Variants in MGMT observed in about 807,000 individuals in gnomAD.
MGMT encodes the protein methylated-DNA--protein-cysteine methyltransferase.
A neutral mutation model predicts 15.9 loss-of-function variants in MGMT; 14 were observed. That is an observed-to-expected ratio of 0.88 (90% CI 0.58 to 1.37). The LOEUF (loss-of-function observed/expected upper bound fraction) is 1.37, where lower values mean the gene tolerates loss of function less well. Ranked by LOEUF, MGMT falls within the 40% of genes most tolerant of loss-of-function variation. MGMT has a pLI of 0.00. For synonymous variants in MGMT, 130 were observed against 118.2 expected (o/e 1.10, Z -0.65); for missense variants, 282 against 268.1 (o/e 1.05, Z -0.36).
At chr10:129,646,485 C>A (rs939675675) in intron 2 of MGMT, among the ~76,000 whole-genome samples, 1 of 151,674 alleles carries the variant, frequency 6.6e-6, no homozygotes, top group Non-Finnish European at 1.5e-5. Flanking sequence ...TCTAAAGTCT[C>A]GACATGATTA....
chr10:129,734,414 T>C (rs1310044680), intron 3 of MGMT, among the ~76,000 whole-genome samples: 1 of 149,994 alleles, frequency 6.7e-6, no homozygotes, highest in African/African-American at 2.4e-5. Context: ...TGATTTTGTA[T>C]CCTGAGACTT....
chr10:129,711,032 C>T (rs1848226911), intron 3 of MGMT, among the ~76,000 whole-genome samples: 1 of 152,054 alleles, frequency 6.6e-6, no homozygotes, highest in Non-Finnish European at 1.5e-5. Flanking sequence ...CCTTGAGTTC[C>T]AGCACATTGA....
rs934893695 is a variant in MGMT, at chr10:129,566,959, C to T, written c.125+30582C>T. 6.6e-6 allele frequency among the ~76,000 whole-genome samples: 1 copy of T among 152,114 alleles called. No individual in the cohort carries two copies. The highest frequency in any genetic ancestry group is 2.4e-5 in the African/African-American group (1 of 41,430). On this transcript the variant is annotated intron_variant, in intron 2 of 4. Coordinates refer to ENST00000651593, the MANE Select transcript of MGMT (RefSeq NM_002412.5). This position sits in a 1 kb window ranked among gnomAD's most constrained non-coding sequence, Gnocchi z 4.1. ...ACCCAGGAGGTGCCATCTCTCTTGG[C>T]GGGTGACACGTAACTGTTACAAATG...
At chr10:129,508,649 G>T (rs1334218776) in intron 1 of MGMT, among the ~76,000 whole-genome samples, 1 of 151,774 alleles carries the variant, frequency 6.6e-6, no homozygotes, top group Admixed American at 6.6e-5. Flanking sequence ...GGGTTCAAGT[G>T]ATTCTCCTGC....
intron 2 of MGMT, among the ~76,000 whole-genome samples, chr10:129,573,816 G>C (rs1402290252): frequency 6.6e-6 from 1 of 152,134 alleles, no homozygotes; most frequent in African/African-American, 2.4e-5. Flanking sequence ...ATATATGAAA[G>C]AGTATAAAAT....
At chr10:129,748,759 A>C (rs1328029469) in intron 3 of MGMT, among the ~76,000 whole-genome samples, 1 of 152,206 alleles carries the variant, frequency 6.6e-6, no homozygotes, top group Non-Finnish European at 1.5e-5. Context: ...CTGCAACTCT[A>C]ATCCATTACC....
At chr10:129,736,754 G>A (rs1210966127) in intron 3 of MGMT, among the ~76,000 whole-genome samples, 3 of 151,696 alleles carry the variant, frequency 2.0e-5, no homozygotes, top group Admixed American at 2.0e-4. Context: ...GGGCAGGCCT[G>A]GTGGTGACAA....
intron 2 of MGMT, among the ~76,000 whole-genome samples, chr10:129,665,146 C>T (rs1169525868): frequency 2.0e-5 from 3 of 151,236 alleles, no homozygotes; most frequent in African/African-American, 7.3e-5. Flanking sequence ...TTCAGTCACC[C>T]ACCCACTCCA....
Position 129,532,475 on chromosome 10 carries a change from C to T in MGMT, c.-12-3766C>T, listed in dbSNP as rs115558752. Among the ~76,000 whole-genome samples, 10 of 152,148 alleles carry T rather than the reference C, an allele frequency of 6.6e-5. No homozygotes were observed. The highest frequency in any genetic ancestry group is 3.3e-4 in the Admixed American group (5 of 15,284). ...AGGACTCCTCTCTCCGGGAGACTGT[C>T]GGGGCTAAGCTGCCTGTGGCCCTCC... On this transcript the variant is annotated intron_variant, in intron 1 of 4. Transcript: ENST00000651593. The surrounding 1 kb of genome is among the most constrained non-coding windows in gnomAD (Gnocchi z 5.3).
Position 129,741,203 on chromosome 10 carries a change from A to G in MGMT, c.275-17999A>G, listed in dbSNP as rs115722805. ...CTGGTCACAGCAGAAATAGTTTTGGACCCAGGTGAGTTGAGTCCACAAAAT... is the reference window on the plus strand; with the variant it reads ...CTGGTCACAGCAGAAATAGTTTTGGGCCCAGGTGAGTTGAGTCCACAAAAT... On this transcript the variant is annotated intron_variant, in intron 3 of 4. Transcript: ENST00000651593. 7.1e-3 allele frequency among the ~76,000 whole-genome samples: 1,087 copies of G among 152,248 alleles called. 18 individuals are homozygous for G. Among genetic ancestry groups the G allele is most frequent in the African/African-American group, 0.025 (1,026 of 41,536 alleles).
intron 2 of MGMT, among the ~76,000 whole-genome samples, chr10:129,599,598 C>T (rs1272955765): frequency 6.6e-6 from 1 of 152,154 alleles, no homozygotes; most frequent in Non-Finnish European, 1.5e-5. Flanking sequence ...CTTCCCCCCT[C>T]AAAAATTATG....
intron 1 of MGMT, among the ~76,000 whole-genome samples, chr10:129,515,749 G>A (rs903818318): frequency 5.3e-5 from 8 of 152,292 alleles, no homozygotes; most frequent in African/African-American, 1.9e-4. Flanking sequence ...CCTGCATACA[G>A]GTGGGCCTGT....
chr10:129,719,731 T>C (rs1450076527), intron 3 of MGMT, among the ~76,000 whole-genome samples: 4 of 152,108 alleles, frequency 2.6e-5, no homozygotes, highest in Admixed American at 1.3e-4. Flanking sequence ...CTGATACAGT[T>C]GAAATGCCGA....
At chr10:129,584,086 G>A (rs1302096422) in intron 2 of MGMT, among the ~76,000 whole-genome samples, 1 of 152,228 alleles carries the variant, frequency 6.6e-6, no homozygotes, top group Non-Finnish European at 1.5e-5. Flanking sequence ...TGCTGGCCTT[G>A]GAGGAAGAGA....
At chr10:129,468,634 C>T (rs1845197521) in intron 1 of MGMT, among the ~76,000 whole-genome samples, 1 of 151,928 alleles carries the variant, frequency 6.6e-6, no homozygotes, top group African/African-American at 2.4e-5. Flanking sequence ...CCTGTAATCT[C>T]AGCACTTTGG....
chr10:129,585,215 G>A (rs1846604921), intron 2 of MGMT, among the ~76,000 whole-genome samples: 1 of 152,186 alleles, frequency 6.6e-6, no homozygotes, highest in African/African-American at 2.4e-5. Flanking sequence ...AAATAATCAA[G>A]CTGGGAATGG....
At chr10:129,679,818 G>A (rs1847827246) in intron 2 of MGMT, among the ~76,000 whole-genome samples, 1 of 152,174 alleles carries the variant, frequency 6.6e-6, no homozygotes, top group South Asian at 2.1e-4. Flanking sequence ...GTTCCAGTCA[G>A]AAGTGTCGCA....
At chr10:129,666,832 T>C (rs1283394753) in intron 2 of MGMT, among the ~76,000 whole-genome samples, 3 of 152,222 alleles carry the variant, frequency 2.0e-5, no homozygotes, top group African/African-American at 7.2e-5. Flanking sequence ...AGTTTTTGTT[T>C]CTAATGTTTG....
chr10:129,496,213 G>C (rs1845519607), intron 1 of MGMT, among the ~76,000 whole-genome samples: 2 of 152,118 alleles, frequency 1.3e-5, no homozygotes, highest in African/African-American at 2.4e-5. Context: ...TGAATGCCTG[G>C]AATTTTCATC....
Sources: allele counts gnomAD v4.1 joint callset (sites outside exome capture counted in the v4.1 genomes callset), GRCh38; gene constraint gnomAD v4.1.1; non-coding constraint Gnocchi (gnomAD v3.1); transcripts MANE v1.5; gene names NCBI Gene and HGNC (gene_info 2026-07-23, HGNC 2026-07-21).